The following SLC2A5 variants were observed in gnomAD, a reference collection of about 807,000 sequenced individuals.
The protein encoded by SLC2A5 is solute carrier family 2, facilitated glucose transporter member 5.
In SLC2A5, 56 loss-of-function variants were observed where a neutral mutation model predicts 50.3. The observed-to-expected ratio is 1.11, with a 90% CI of 0.90 to 1.39. The LOEUF (loss-of-function observed/expected upper bound fraction) is 1.39. Among genes scored for constraint, SLC2A5 ranks in the 40% most tolerant of loss-of-function variants. SLC2A5 has a pLI of 0.00. For synonymous variants in SLC2A5, 269 were observed against 281.9 expected, an observed-to-expected ratio of 0.95 and a Z score of 0.46; for missense variants, 566 against 650.1, an observed-to-expected ratio of 0.87 and a Z score of 1.41.
chr1:9,077,520 C>T (rs542911564), intron 2 of SLC2A5, among the ~76,000 whole-genome samples: 93 of 151,124 alleles, frequency 6.2e-4, no homozygotes, highest in African/African-American at 1.9e-3. Context: ...GCAGGTGGAT[C>T]GCCTGAGGTC....
intron 4 of SLC2A5, 75 bp downstream of exon 4, chr1:9,047,535 T>G: frequency 6.6e-7 from 1 of 1,514,838 alleles, no homozygotes; most frequent in Middle Eastern, 1.7e-4. Flanking sequence ...ACAGATTGGT[T>G]CTAGTCCCTG....
In SLC2A5 at chr1:9,068,189, C is replaced by CAAAAAA. The variant is rs755203801; in HGVS notation, c.33+1309_33+1314dup. 3.4e-3 allele frequency among the ~76,000 whole-genome samples: 260 copies of CAAAAAA among 77,052 alleles called. 4 individuals are homozygous for CAAAAAA. The highest frequency in any genetic ancestry group is 0.012 in the African/African-American group (239 of 20,472). 50.5% of individuals were successfully genotyped at this position (77,052 alleles called of 152,430 possible). On this transcript the variant is annotated intron_variant, in intron 1 of 11. Transcript: ENST00000377424. ...TGGGTGACAGAGCAAGACTCTGTGTCAAAAAAAAAAAAAAAAAAAAGCGAG... is the reference window on the plus strand; with the variant it reads ...TGGGTGACAGAGCAAGACTCTGTGTCAAAAAAAAAAAAAAAAAAAAAAAAAAGCGAG...
At position 9,085,708 on chromosome 1, in the gene SLC2A5, G is replaced by A. The variant is rs569267936; in HGVS notation, c.-187-566C>T. On this transcript the variant is annotated intron_variant, in intron 1 of 5. Coordinates refer to the SLC2A5 transcript ENST00000464985. ...GGAAGTTCATTCAGATGGTTGTGTC[G>A]GGAGGGCGGCTTAGAATTTTACCTT... Among the ~76,000 whole-genome samples the A allele has an allele frequency of 2.0e-5, 3 of 152,292 alleles. 1 individual carries two copies. Among genetic ancestry groups the A allele is most frequent in the African/African-American group, 4.8e-5 (2 of 41,558 alleles).
intron 3 of SLC2A5, among the ~76,000 whole-genome samples, chr1:9,056,506 C>A (rs1012379204): frequency 6.6e-6 from 1 of 151,896 alleles, no homozygotes; most frequent in Non-Finnish European, 1.5e-5. Context: ...TTCTCAGATT[C>A]TTTTCTTGAA....
At chr1:9,041,182 A>C in intron 5 of SLC2A5, 1 of 389,992 alleles carries the variant, frequency 2.6e-6, no homozygotes, top group Non-Finnish European at 4.5e-6. Flanking sequence ...GTTTTGGCTG[A>C]CGGGATGACT....
chr1:9,081,250 A>T (rs1260855524), intron 2 of SLC2A5, among the ~76,000 whole-genome samples: 1 of 135,218 alleles, frequency 7.4e-6, no homozygotes, highest in African/African-American at 2.8e-5. Context: ...ACAGCATGAG[A>T]CCTTGTTTCA....
upstream of SLC2A5, among the ~76,000 whole-genome samples, chr1:9,071,149 C>T (rs945413375): frequency 1.3e-5 from 2 of 152,208 alleles, no homozygotes; most frequent in Non-Finnish European, 2.9e-5. Context: ...GTGGCTCACG[C>T]CTGTAATCCC....
chr1:9,053,105 T>TA (rs1485163114), intron 3 of SLC2A5, among the ~76,000 whole-genome samples: 1 of 107,352 alleles, frequency 9.3e-6, no homozygotes. Context: ...TATTTATATA[T>TA]AATATATATT....
At chr1:9,038,635 G>T in intron 9 of SLC2A5, 129 bp from the exon 10 acceptor site, 2 of 1,235,666 alleles carry the variant, frequency 1.6e-6, no homozygotes, top group Middle Eastern at 2.0e-4. Context: ...ACCTCGATGA[G>T]CCACTGGGAA....
chr1:9,055,504 G>A (rs906409641), intron 3 of SLC2A5, among the ~76,000 whole-genome samples: 15 of 149,522 alleles, frequency 1.0e-4, no homozygotes, highest in Non-Finnish European at 1.5e-5. Flanking sequence ...GTGACAGGGC[G>A]AGACTCCATC....
At chr1:9,074,062 A>T (rs1642254835), upstream of SLC2A5, among the ~76,000 whole-genome samples, 1 of 151,440 alleles carries the variant, frequency 6.6e-6, no homozygotes. Flanking sequence ...CCTGGGTGAC[A>T]GCGCAAAACT....
chr1:9,052,399 G>A (rs1641602179), intron 3 of SLC2A5, among the ~76,000 whole-genome samples: 3 of 152,120 alleles, frequency 2.0e-5, no homozygotes. Flanking sequence ...GAGTTAGAGA[G>A]GAGGGAGGGG....
At chr1:9,048,516 A>T (rs190120574) in intron 3 of SLC2A5, among the ~76,000 whole-genome samples, 61 of 152,244 alleles carry the variant, frequency 4.0e-4, no homozygotes, top group Middle Eastern at 3.4e-3. Context: ...CACCTCAAAA[A>T]ATAAATAAAT....
At chr1:9,044,961 C>T (rs1159612870) in intron 4 of SLC2A5, among the ~76,000 whole-genome samples, 1 of 152,178 alleles carries the variant, frequency 6.6e-6, no homozygotes, top group Non-Finnish European at 1.5e-5. Flanking sequence ...GATTATGCCC[C>T]TAATGGCCAG....
chr1:9,092,302 A>G (rs1042075446), upstream of SLC2A5, among the ~76,000 whole-genome samples: 6 of 152,182 alleles, frequency 3.9e-5, no homozygotes, highest in African/African-American at 1.4e-4. Context: ...AACCCTACAT[A>G]CTGGTTCATA....
At chr1:9,053,514 T>TATATA (rs1641676907) in intron 3 of SLC2A5, among the ~76,000 whole-genome samples, 1 of 79,420 alleles carries the variant, frequency 1.3e-5, no homozygotes, top group African/African-American at 4.2e-5. Context: ...ATTATATATT[T>TATATA]TATCTATATA....
At chr1:9,060,301 GC>G (rs368736070) in intron 1 of SLC2A5, among the ~76,000 whole-genome samples, 4,356 of 37,086 alleles carry the variant, frequency 0.12, 192 homozygotes, top group African/African-American at 0.26. Context: ...ACACACACAC[GC>G]CCCCCCACAT....
At chr1:9,077,787 G>GGGGAGGGA (rs1642309227) in intron 2 of SLC2A5, among the ~76,000 whole-genome samples, 1 of 143,972 alleles carries the variant, frequency 6.9e-6, no homozygotes, top group Admixed American at 7.2e-5. Context: ...GAAAGAAGGG[G>GGGGAGGGA]AAGAAGGAAG....
chr1:9,060,117 TATAC>T (rs1641881711), intron 1 of SLC2A5, among the ~76,000 whole-genome samples: 1 of 72,562 alleles, frequency 1.4e-5, no homozygotes, highest in Non-Finnish European at 2.7e-5. Context: ...ACACACACAC[TATAC>T]ACACACACAA....
Sources: allele counts gnomAD v4.1 joint callset (sites outside exome capture counted in the v4.1 genomes callset), GRCh38; gene constraint gnomAD v4.1.1; transcripts MANE v1.5; gene names NCBI Gene and HGNC (gene_info 2026-07-23, HGNC 2026-07-21).